Variants in MECOM observed in about 807,000 individuals in gnomAD.
MECOM encodes histone-lysine N-methyltransferase MECOM.
In MECOM, 13 loss-of-function variants were observed where a neutral mutation model predicts 116.3. The observed-to-expected ratio is 0.11, with a 90% CI of 0.07 to 0.18. MECOM has a LOEUF of 0.18. Among genes scored for constraint, MECOM ranks in the 10% least tolerant of loss-of-function variants. The probability of loss-of-function intolerance (pLI) is 1.00; values close to 1 mark genes in which losing one functional copy is unlikely to be tolerated. For missense variants in MECOM, 1,299 were observed against 1,509.0 expected (o/e 0.86, Z 2.31); for synonymous variants, 528 against 535.2 (o/e 0.99, Z 0.19).
chr3:169,441,360 G>A (rs750029433), intron 1 of MECOM, among the ~76,000 whole-genome samples: 5 of 152,074 alleles, frequency 3.3e-5, no homozygotes, highest in Non-Finnish European at 7.4e-5. Flanking sequence ...AGTGTATATA[G>A]CAACTTAACT....
At chr3:169,394,429 A>AT (rs1734708006) in intron 1 of MECOM, among the ~76,000 whole-genome samples, 1 of 152,166 alleles carries the variant, frequency 6.6e-6, no homozygotes, top group Non-Finnish European at 1.5e-5. Flanking sequence ...GTGATATTCC[A>AT]TTTTTTTAAG....
At chr3:169,482,346 T>TC (rs1479477138) in intron 1 of MECOM, among the ~76,000 whole-genome samples, 3 of 149,734 alleles carry the variant, frequency 2.0e-5, no homozygotes, top group Non-Finnish European at 4.4e-5. Context: ...TTTTTTTTTT[T>TC]TTTGAGACGG....
At chr3:169,342,200 A>G (rs1245590882) in intron 2 of MECOM, among the ~76,000 whole-genome samples, 1 of 152,066 alleles carries the variant, frequency 6.6e-6, no homozygotes, top group Non-Finnish European at 1.5e-5. Flanking sequence ...CAAGTTTATA[A>G]TGAAATATGT....
At chr3:169,342,607 T>C (rs1238531834) in intron 2 of MECOM, among the ~76,000 whole-genome samples, 1 of 152,188 alleles carries the variant, frequency 6.6e-6, no homozygotes, top group African/African-American at 2.4e-5. Context: ...TTAATGGTGA[T>C]AAAGCAACTG....
At chr3:169,256,384 A>G (rs1270230416) in intron 2 of MECOM, among the ~76,000 whole-genome samples, 1 of 151,816 alleles carries the variant, frequency 6.6e-6, no homozygotes, top group Non-Finnish European at 1.5e-5. Context: ...CCTGCCCTCT[A>G]AATAAATACA....
intron 2 of MECOM, among the ~76,000 whole-genome samples, chr3:169,203,821 G>A (rs77409263): frequency 6.6e-6 from 1 of 151,942 alleles, no homozygotes; most frequent in Non-Finnish European, 1.5e-5. Context: ...TTGTCAAATG[G>A]AAAGACTGAA....
At chr3:169,648,937 C>T (rs1774516611) in intron 1 of MECOM, among the ~76,000 whole-genome samples, 1 of 152,178 alleles carries the variant, frequency 6.6e-6, no homozygotes, top group Admixed American at 6.5e-5. Flanking sequence ...GAATGAGATC[C>T]TTTAAAGAGA....
intron 1 of MECOM, among the ~76,000 whole-genome samples, chr3:169,552,833 G>A (rs1378252317): frequency 2.2e-5 from 3 of 136,294 alleles, no homozygotes; most frequent in Non-Finnish European, 4.6e-5. Flanking sequence ...AGGAAGTGGG[G>A]CGGTGCCATC....
chr3:169,345,648 A>T (rs543007547), intron 2 of MECOM, among the ~76,000 whole-genome samples: 2 of 152,240 alleles, frequency 1.3e-5, no homozygotes, highest in South Asian at 4.1e-4. Flanking sequence ...TTACCAGGAG[A>T]GCTGAAGTAG....
intron 2 of MECOM, among the ~76,000 whole-genome samples, chr3:169,358,733 A>C (rs1028271263): frequency 6.6e-6 from 1 of 151,728 alleles, no homozygotes; most frequent in Non-Finnish European, 1.5e-5. Flanking sequence ...AATGCATGAA[A>C]GAGTAAATAT....
chr3:169,147,343 G>A, intron 2 of MECOM: 1 of 985,410 alleles, frequency 1.0e-6, no homozygotes, highest in Non-Finnish European at 1.2e-6. Context: ...GTCCCCTTTC[G>A]CAACTCCAAG....
At chr3:169,541,404 G>T (rs1251817206) in intron 1 of MECOM, among the ~76,000 whole-genome samples, 1 of 152,212 alleles carries the variant, frequency 6.6e-6, no homozygotes, top group Non-Finnish European at 1.5e-5. Context: ...AAGAGTCATT[G>T]TTGTAACCCT....
At chr3:169,282,261 A>G (rs1253994334) in intron 2 of MECOM, among the ~76,000 whole-genome samples, 1 of 152,186 alleles carries the variant, frequency 6.6e-6, no homozygotes, top group Non-Finnish European at 1.5e-5. Flanking sequence ...GGATTCCTTC[A>G]AGTGTTGACT....
chr3:169,505,238 C>T (rs548597754), intron 1 of MECOM, among the ~76,000 whole-genome samples: 173 of 94,316 alleles, frequency 1.8e-3, no homozygotes, highest in African/African-American at 4.7e-3. Context: ...TATATCATAC[C>T]CTGTAATTCT....
intron 1 of MECOM, among the ~76,000 whole-genome samples, chr3:169,454,651 T>A (rs1024487395): frequency 6.6e-6 from 1 of 152,170 alleles, no homozygotes; most frequent in African/African-American, 2.4e-5. Flanking sequence ...CTTGAAAATG[T>A]AATTTAAAAA....
intron 1 of MECOM, among the ~76,000 whole-genome samples, chr3:169,654,151 T>TTAGA (rs1403167647): frequency 6.6e-6 from 1 of 152,140 alleles, no homozygotes; most frequent in African/African-American, 2.4e-5. Flanking sequence ...CAGTATTGAG[T>TTAGA]TAGATATTAT....
intron 2 of MECOM, among the ~76,000 whole-genome samples, chr3:169,148,852 C>T (rs1740613007): frequency 6.6e-6 from 1 of 151,986 alleles, no homozygotes; most frequent in South Asian, 2.1e-4. Flanking sequence ...TAATTTGTTT[C>T]GGTGGCCTGT....
At chr3:169,577,994 G>A (rs1424353946) in intron 1 of MECOM, among the ~76,000 whole-genome samples, 1 of 151,800 alleles carries the variant, frequency 6.6e-6, no homozygotes, top group Non-Finnish European at 1.5e-5. Flanking sequence ...GGATTAGTAA[G>A]CAAAGTAGGA....
chr3:169,352,730 A>G (rs529504126), intron 2 of MECOM, among the ~76,000 whole-genome samples: 1 of 152,086 alleles, frequency 6.6e-6, no homozygotes, highest in Non-Finnish European at 1.5e-5. Flanking sequence ...ATTTTGTCCA[A>G]TAGGCATTTG....
Sources: allele counts gnomAD v4.1 joint callset (sites outside exome capture counted in the v4.1 genomes callset), GRCh38; gene constraint gnomAD v4.1.1; transcripts MANE v1.5; gene names NCBI Gene and HGNC (gene_info 2026-07-23, HGNC 2026-07-21).